Variants in SCUBE3 observed in about 807,000 individuals in gnomAD.
SCUBE3 encodes signal peptide, CUB and EGF-like domain-containing protein 3.
SCUBE3 carries 33 observed loss-of-function variants against 116.8 expected under a neutral mutation model. That is an observed-to-expected ratio of 0.28 (90% confidence interval 0.21 to 0.38). The LOEUF (loss-of-function observed/expected upper bound fraction) is 0.38, where lower values mean the gene tolerates loss of function less well. Among genes scored for constraint, SCUBE3 ranks in the 10% least tolerant of loss-of-function variants. The pLI, the probability that SCUBE3 is intolerant of heterozygous loss-of-function variation, is 1.00. For synonymous variants in SCUBE3, 418 were observed against 496.9 expected (o/e 0.84, Z 2.11); for missense variants, 1,007 against 1,324.8 (o/e 0.76, Z 3.72).
rs1188931741 is a variant in SCUBE3 at position 35,252,767 on chromosome 6, G to T, written c.*4062G>T. ...GTCATCAGCTTTTTTAGACACCACA[G>T]GTTGTAGCAGTTTGAACAAACTGAA... is the stretch of plus-strand genomic sequence containing the variant. On this transcript the variant is annotated 3_prime_UTR_variant, in exon 22 of 22. Transcript: ENST00000274938. 1 of 152,204 alleles carries T rather than the reference G, an allele frequency of 6.6e-6. No homozygotes were observed. Among genetic ancestry groups the T allele is most frequent in the Non-Finnish European group, 1.5e-5 (1 of 68,032 alleles). 9.4% of individuals were successfully genotyped at this position (152,204 alleles called of 1,614,324 possible).
chr6:35,222,956 A>G (rs1382312276), intron 1 of SCUBE3: 1 of 152,242 alleles, frequency 6.6e-6, no homozygotes, highest in Non-Finnish European at 1.5e-5. Flanking sequence ...GGAGGCTGAC[A>G]TGAGAGGGTC....
At position 35,227,823 on chromosome 6, in the gene SCUBE3, G is replaced by T. The variant is rs956063779; in HGVS notation, c.208+121G>T. 3 of 1,064,524 alleles carry T rather than the reference G, an allele frequency of 2.8e-6. No homozygotes were observed. The East Asian group carries it at 7.7e-5, about 27-fold the overall frequency. The allele number at this position is 1,064,524 out of a possible 1,614,324, so 65.9% of individuals were successfully genotyped here. Reference sequence around the variant, plus strand: ...TAGAAATTCCACTGGTCAAGTGGTGGGGGGGTGGTGAGGGGGGCAACTGCA... The same window carrying T: ...TAGAAATTCCACTGGTCAAGTGGTGTGGGGGTGGTGAGGGGGGCAACTGCA... On this transcript the variant is annotated intron_variant, in intron 2 of 21. Transcript: ENST00000274938.
At chr6:35,242,127 G>A in intron 12 of SCUBE3, 77 bp from the exon 13 acceptor site, 1 of 1,087,836 alleles carries the variant, frequency 9.2e-7, no homozygotes, top group East Asian at 2.4e-5. Flanking sequence ...TTATTACCCA[G>A]CTTCTCAACA....
At position 35,241,895 on chromosome 6, in the gene SCUBE3, T is replaced by C. The variant is rs772499878; in HGVS notation, c.1402T>C (p.Ser468Pro). 3 of 1,608,066 alleles carry C rather than the reference T, an allele frequency of 1.9e-6. No individual in the cohort carries two copies. The highest frequency in any genetic ancestry group is 1.7e-5 in the Admixed American group (1 of 59,992). Residue 468 changes from serine to proline, a missense_variant, in exon 12 of 22, where the codon TCC (serine) becomes CCC (proline). Ser to Pro is a moderately conservative substitution (Grantham distance 74). Coordinates refer to ENST00000274938, the MANE Select transcript of SCUBE3 (RefSeq NM_152753.4). This position sits in a 1 kb window ranked among gnomAD's most constrained non-coding sequence, Gnocchi z 4.1. ...TGGCCACAATGGGAACAGCACCAAC[T>C]CCAACCACTGCCATGGTAAGCACCA... ...RAGHNGNSTN[S>P]NHCHEAAVLS...
Position 35,233,275 on chromosome 6 carries a change from T to C in SCUBE3, c.686T>C (p.Leu229Pro), listed in dbSNP as rs1783623584. ...PRCGCHIKFV[L>P]HTDGKTCIET... ...TGCGGCTGCCATATCAAGTTTGTGC[T>C]CCATACCGACGGGAAGACATGCATC... is the stretch of plus-strand genomic sequence containing the variant. Residue 229 changes from leucine to proline, a missense_variant, in exon 6 of 22, where the codon CTC becomes CCC. Coordinates refer to ENST00000274938, the MANE Select transcript of SCUBE3 (RefSeq NM_152753.4). The surrounding 1 kb of genome is among the most constrained non-coding windows in gnomAD (Gnocchi z 5.7). 1 of 1,610,002 alleles carries C rather than the reference T, an allele frequency of 6.2e-7. No individual in the cohort carries two copies. The highest frequency in any genetic ancestry group is 1.4e-5 in the African/African-American group (1 of 73,784).
chr6:35,217,943 CG>C (rs1455721208), intron 1 of SCUBE3, among the ~76,000 whole-genome samples: 1 of 152,138 alleles, frequency 6.6e-6, no homozygotes, highest in Non-Finnish European at 1.5e-5. Context: ...GGGAAAGCCT[CG>C]GGGTGGGAGA....
At chr6:35,216,720 A>G (rs144879996) in intron 1 of SCUBE3, among the ~76,000 whole-genome samples, 4 of 152,342 alleles carry the variant, frequency 2.6e-5, no homozygotes, top group African/African-American at 9.6e-5. Context: ...TTAATGCCAC[A>G]TGCTTTATAT....
Position 35,235,613 on chromosome 6 carries a change from AGCAG to A in SCUBE3, c.713-2287_713-2284del. On this transcript the variant is annotated intron_variant, in intron 6 of 21. Coordinates refer to ENST00000274938, the MANE Select transcript of SCUBE3 (RefSeq NM_152753.4). This position sits in a 1 kb window ranked among gnomAD's most constrained non-coding sequence, Gnocchi z 4.5. ...CAGCCTGACTGGGCCCCAACTTGCC[AGCAG>A]GGCTATCCTGGCAGCCAGGGCACTG... 2.1e-6 allele frequency: 1 copy of A among 471,598 alleles called. No homozygotes were observed. The allele number at this position is 471,598 out of a possible 1,614,324, so 29.2% of individuals were successfully genotyped here.
chr6:35,243,071 G>A lies in SCUBE3; in HGVS notation c.1744G>A (p.Gly582Arg), dbSNP rs1784147809. ...LRQRMERRLK[G>R]SLKMLRKSIN... ...ACAGCGAATGGAACGGCGGCTGAAA[G>A]GATCCCTGAAGATGCTCAGAAAGTC... Residue 582 changes from glycine to arginine, a missense_variant, in exon 15 of 22, where the codon GGA becomes AGA. By Grantham distance (125) the Gly-to-Arg change is moderately radical (BLOSUM62 -2). Coordinates refer to ENST00000274938, the MANE Select transcript of SCUBE3 (RefSeq NM_152753.4). The surrounding 1 kb of genome is among the most constrained non-coding windows in gnomAD (Gnocchi z 6.6). 1 of 1,614,170 alleles carries A rather than the reference G, an allele frequency of 6.2e-7. No homozygotes were observed. The highest frequency in any genetic ancestry group is 8.5e-7 in the Non-Finnish European group (1 of 1,180,046).
At chr6:35,225,858 A>C (rs965996979) in intron 1 of SCUBE3, among the ~76,000 whole-genome samples, 2 of 152,352 alleles carry the variant, frequency 1.3e-5, no homozygotes, top group East Asian at 3.9e-4. Context: ...AGTCCTGAGA[A>C]TCTGCATTTT....
rs143548233 is a variant in SCUBE3, at chr6:35,227,644, G to A, written c.150G>A (p.Pro50=). 7.2e-4 allele frequency: 1,163 copies of A among 1,613,984 alleles called. 1 individual carries two copies. The highest frequency in any genetic ancestry group is 9.1e-4 in the Non-Finnish European group (1,073 of 1,179,988). Residue 50 remains proline, a synonymous_variant, in exon 2 of 22, where the codon CCG becomes CCA. Transcript: ENST00000274938. The part of the protein sequence containing the change: ...CHIDAICQNT[P]RSYKCICKSG... ...TCGATGCTATCTGCCAGAACACCCC[G>A]AGGTCATACAAGTGCATCTGCAAGT...
Position 35,243,279 on chromosome 6 carries a change from G to A in SCUBE3, c.1909+43G>A. 1 of 1,541,876 alleles carries A rather than the reference G, an allele frequency of 6.5e-7. No individual in the cohort carries two copies. Among genetic ancestry groups the A allele is most frequent in the African/African-American group, 1.4e-5 (1 of 73,746 alleles). Reference sequence around the variant, plus strand: ...GGAGCAGGGATGTAGGAAAGACCCAGTTTGGGCCTGACTCAGAGCAGGACC... The same window carrying A: ...GGAGCAGGGATGTAGGAAAGACCCAATTTGGGCCTGACTCAGAGCAGGACC... On this transcript the variant is annotated intron_variant, in intron 15 of 21. Coordinates refer to ENST00000274938, the MANE Select transcript of SCUBE3 (RefSeq NM_152753.4). This position sits in a 1 kb window ranked among gnomAD's most constrained non-coding sequence, Gnocchi z 6.6.
chr6:35,217,594 T>C (rs1782973358), intron 1 of SCUBE3, among the ~76,000 whole-genome samples: 1 of 152,072 alleles, frequency 6.6e-6, no homozygotes, highest in Non-Finnish European at 1.5e-5. Flanking sequence ...CTCTTCCTCT[T>C]TAATGTGGCT....
intron 3 of SCUBE3, among the ~76,000 whole-genome samples, chr6:35,230,575 A>G (rs543478572): frequency 1.5e-4 from 23 of 152,302 alleles, no homozygotes; most frequent in African/African-American, 5.3e-4. Flanking sequence ...GAAGGATGGC[A>G]TGTAGAATGT....
intron 1 of SCUBE3, chr6:35,221,482 TA>T (rs1783115066): frequency 1.3e-5 from 2 of 152,190 alleles, no homozygotes; most frequent in South Asian, 2.1e-4. Flanking sequence ...ATGCCACAGA[TA>T]GAGACATTAT....
intron 1 of SCUBE3, chr6:35,221,784 A>C (rs907254633): frequency 1.3e-5 from 2 of 152,222 alleles, no homozygotes; most frequent in African/African-American, 4.8e-5. Flanking sequence ...AAGTTAAATA[A>C]TGGTACAAGG....
At position 35,250,086 on chromosome 6, in the gene SCUBE3, A is replaced by C. The variant is rs1337179952; in HGVS notation, c.*1381A>C. ...GCATCTGATCTGTCTCTATGCCACC[A>C]CTGGCCACCTAGAGCCCTTGGCTGT... On this transcript the variant is annotated 3_prime_UTR_variant, in exon 22 of 22. Transcript: ENST00000274938. 6.6e-6 allele frequency: 1 copy of C among 152,564 alleles called. No homozygotes were observed. The allele number at this position is 152,564 out of a possible 1,614,324, so 9.5% of individuals were successfully genotyped here. A position where few individuals can be genotyped will look rare whatever the true frequency, so the allele number is the denominator to read the frequency against.
rs1784066483 is a variant in SCUBE3 at position 35,241,779 on chromosome 6, A to G, written c.1313-27A>G. 1.2e-5 allele frequency: 19 copies of G among 1,588,796 alleles called. No homozygotes were observed. Among genetic ancestry groups the G allele is most frequent in the Non-Finnish European group, 1.6e-5 (19 of 1,157,042 alleles). On this transcript the variant is annotated intron_variant, in intron 11 of 21. Coordinates refer to ENST00000274938, the MANE Select transcript of SCUBE3 (RefSeq NM_152753.4). The surrounding 1 kb of genome is among the most constrained non-coding windows in gnomAD (Gnocchi z 4.1). ...CCAGCGGGGGTTGGGAAGGCAGGTCAGAACTGTGACAGGCTCCTTTTCTCA... is the reference window on the plus strand; with the variant it reads ...CCAGCGGGGGTTGGGAAGGCAGGTCGGAACTGTGACAGGCTCCTTTTCTCA...
At position 35,248,622 on chromosome 6, in the gene SCUBE3, G is replaced by A; in HGVS notation, c.2899G>A (p.Glu967Lys). Residue 967 changes from glutamate to lysine, a missense_variant, in exon 22 of 22, where the codon GAG (glutamate) becomes AAG (lysine). This residue lies in a region of SCUBE3 where 118 missense variants were observed against 196.6 expected (regional missense o/e 0.60). Coordinates refer to ENST00000274938, the MANE Select transcript of SCUBE3 (RefSeq NM_152753.4). ...CCCCCAGAACTACTTCAAGTACACA[G>A]AGAAACACAAGGAGATGCTGCCAAA... Reference protein sequence around the residue: ...AHPQNYFKYTEKHKEMLPKSF... With the variant: ...AHPQNYFKYTKKHKEMLPKSF... 1 of 1,614,030 alleles carries A rather than the reference G, an allele frequency of 6.2e-7. No individual in the cohort carries two copies. The highest frequency in any genetic ancestry group is 8.5e-7 in the Non-Finnish European group (1 of 1,179,994).
Sources: allele counts gnomAD v4.1 joint callset (sites outside exome capture counted in the v4.1 genomes callset), GRCh38; gene constraint gnomAD v4.1.1; regional missense constraint gnomAD v4.1.1; non-coding constraint Gnocchi (gnomAD v3.1); transcripts MANE v1.5; gene names NCBI Gene and HGNC (gene_info 2026-07-23, HGNC 2026-07-21).